TAF2: variants seen among roughly 807,000 people sequenced by gnomAD.
TAF2 encodes transcription initiation factor TFIID subunit 2.
Under a neutral mutation model 138.5 loss-of-function variants are expected in TAF2, and 61 were observed. That is an observed-to-expected ratio of 0.44 (90% CI 0.36 to 0.54). The LOEUF is 0.54. Among genes scored for constraint, TAF2 ranks in the 20% least tolerant of loss-of-function variants. The probability of loss-of-function intolerance (pLI) is 0.00; values close to 1 mark genes in which losing one functional copy is unlikely to be tolerated. For missense variants in TAF2, 1,090 were observed against 1,427.9 expected, an observed-to-expected ratio of 0.76 and a Z score of 3.81; for synonymous variants, 475 against 469.9, an observed-to-expected ratio of 1.01 and a Z score of -0.14.
intron 2 of TAF2, among the ~76,000 whole-genome samples, chr8:119,825,184 G>C (rs1329387966): frequency 1.3e-5 from 2 of 152,254 alleles, no homozygotes; most frequent in Admixed American, 6.5e-5. Context: ...GCATGACCTG[G>C]ATGTGACATG....
intron 12 of TAF2, 73 bp downstream of exon 12, chr8:119,789,519 T>C (rs1392876397): frequency 1.3e-6 from 2 of 1,571,822 alleles, no homozygotes; most frequent in East Asian, 2.2e-5. Context: ...CAAACCTCTC[T>C]TCTTCCATCT....
intron 18 of TAF2, among the ~76,000 whole-genome samples, chr8:119,763,491 A>G (rs1338390702): frequency 1.2e-4 from 18 of 152,054 alleles, no homozygotes; most frequent in Admixed American, 1.2e-3. Context: ...GCACTTTGGG[A>G]GGCCAAGGCC....
chr8:119,791,608 CTT>C, intron 10 of TAF2, 149 bp from the exon 11 acceptor site: 1 of 856,424 alleles, frequency 1.2e-6, no homozygotes, highest in East Asian at 2.8e-5. Context: ...TAAAAATAAA[CTT>C]AACTAGAAGA....
At chr8:119,790,040 T>C (rs1016402538) in intron 11 of TAF2, among the ~76,000 whole-genome samples, 1 of 152,258 alleles carries the variant, frequency 6.6e-6, no homozygotes, top group Admixed American at 6.5e-5. Flanking sequence ...GTAGTTTATA[T>C]AGAAACTAGA....
In TAF2 at chr8:119,831,616, G is replaced by C. The variant is rs1336174398; in HGVS notation, c.138+61C>G. ...ACAAACTTTCTAAGTACTGTGAGGG[G>C]TGGATTGTTACTCTTTATAGTGGAC... is the stretch of plus-strand genomic sequence containing the variant. On this transcript the variant is annotated intron_variant, in intron 2 of 25. Coordinates refer to ENST00000378164, the MANE Select transcript of TAF2 (RefSeq NM_003184.4). 3 of 1,251,332 alleles carry C rather than the reference G, an allele frequency of 2.4e-6. No individual in the cohort carries two copies. In the African/African-American group the frequency reaches 4.4e-5, roughly 18 times the overall value. 77.5% of individuals were successfully genotyped at this position (1,251,332 alleles called of 1,614,324 possible).
At chr8:119,761,353 T>C (rs529627122) in intron 19 of TAF2, among the ~76,000 whole-genome samples, 9 of 152,298 alleles carry the variant, frequency 5.9e-5, no homozygotes, top group African/African-American at 1.9e-4. Flanking sequence ...CACCATCTAG[T>C]TTGTGTAAAT....
chr8:119,826,955 A>G (rs1402632203), intron 2 of TAF2, among the ~76,000 whole-genome samples: 1 of 152,144 alleles, frequency 6.6e-6, no homozygotes, highest in African/African-American at 2.4e-5. Context: ...CACTTTGGAA[A>G]GCCAAAGTAG....
intron 18 of TAF2, among the ~76,000 whole-genome samples, chr8:119,766,565 G>A (rs1274943779): frequency 6.6e-6 from 1 of 152,134 alleles, no homozygotes; most frequent in Non-Finnish European, 1.5e-5. Flanking sequence ...TGAGGTGGGT[G>A]GATTACTTGA....
At chr8:119,802,864 T>C (rs574323637) in intron 5 of TAF2, among the ~76,000 whole-genome samples, 9 of 152,230 alleles carry the variant, frequency 5.9e-5, no homozygotes, top group African/African-American at 1.2e-4. Flanking sequence ...TGAGCCGAGA[T>C]TGCATGAGCC....
rs1056020265 is a variant in TAF2, at chr8:119,783,584, A to G, written c.1909T>C (p.Leu637=). 1.2e-5 allele frequency: 20 copies of G among 1,614,186 alleles called. 1 individual carries two copies. Among genetic ancestry groups the G allele is most frequent in the South Asian group, 4.4e-5 (4 of 91,086 alleles). The change falls in exon 16 of 26, where the codon TTG becomes CTG. Residue 637 remains leucine, a synonymous_variant. Coordinates refer to ENST00000378164, the MANE Select transcript of TAF2 (RefSeq NM_003184.4). The part of the protein sequence containing the change: ...WIRIDPDMSV[L]RKVEFEQADF... ...GCTTGCTCAAATTCTACCTTCCTCA[A>G]TACTGACATATCTGGGTCTATCCTT... is the stretch of plus-strand genomic sequence containing the variant.
chr8:119,806,706 G>A (rs942053411), intron 3 of TAF2, among the ~76,000 whole-genome samples: 2 of 151,974 alleles, frequency 1.3e-5, no homozygotes, highest in East Asian at 1.9e-4. Flanking sequence ...AACCTCTAGT[G>A]ATCCATTCAC....
intron 2 of TAF2, among the ~76,000 whole-genome samples, chr8:119,827,689 T>C (rs1196279796): frequency 6.6e-6 from 1 of 151,800 alleles, no homozygotes; most frequent in African/African-American, 2.4e-5. Flanking sequence ...GGGTGAAAGT[T>C]GGAGTGACTA....
At chr8:119,797,523 C>T in intron 7 of TAF2, 139 bp downstream of exon 7, 2 of 870,044 alleles carry the variant, frequency 2.3e-6, no homozygotes, top group Admixed American at 3.0e-5. Flanking sequence ...AATTTTAAAA[C>T]CAAATTTTGT....
At chr8:119,754,638 G>A (rs991169521) in intron 22 of TAF2, among the ~76,000 whole-genome samples, 8 of 151,608 alleles carry the variant, frequency 5.3e-5, no homozygotes, top group South Asian at 2.1e-4. Flanking sequence ...AGCTGAGATC[G>A]TGCCATTGCA....
chr8:119,740,243 G>A (rs996666294), intron 25 of TAF2, among the ~76,000 whole-genome samples: 4 of 152,166 alleles, frequency 2.6e-5, no homozygotes, highest in African/African-American at 4.8e-5. Context: ...GGAGCTCTGA[G>A]TGAATCTTCT....
intron 22 of TAF2, among the ~76,000 whole-genome samples, chr8:119,755,774 C>G (rs2131039072): frequency 6.6e-6 from 1 of 152,114 alleles, no homozygotes; most frequent in Non-Finnish European, 1.5e-5. Flanking sequence ...CCATTTGACA[C>G]TTTCATACAA....
At chr8:119,828,589 C>T (rs994449584) in intron 2 of TAF2, among the ~76,000 whole-genome samples, 1 of 152,122 alleles carries the variant, frequency 6.6e-6, no homozygotes, top group Non-Finnish European at 1.5e-5. Context: ...ATAGAAATGT[C>T]AGCAGAAGGA....
Position 119,795,521 on chromosome 8 carries a change from G to A in TAF2, c.1191+11C>T, listed in dbSNP as rs769306645. The stretch of plus-strand genomic sequence containing the variant: ...GACTTGTAAGTGGATAAGGGATCTA[G>A]CTGTTATTACCTCTTTAATCCAATG... On this transcript the variant is annotated intron_variant, in intron 9 of 25. Transcript: ENST00000378164. 1.2e-6 allele frequency: 2 copies of A among 1,602,480 alleles called. No homozygotes were observed.
chr8:119,801,705 G>T, intron 6 of TAF2, 89 bp downstream of exon 6: 1 of 1,305,186 alleles, frequency 7.7e-7, no homozygotes. Flanking sequence ...TGGGATTACA[G>T]GCATGAGCCA....
Sources: allele counts gnomAD v4.1 joint callset (sites outside exome capture counted in the v4.1 genomes callset), GRCh38; gene constraint gnomAD v4.1.1; transcripts MANE v1.5; gene names NCBI Gene and HGNC (gene_info 2026-07-23, HGNC 2026-07-21).